RCSD1: variants seen among roughly 807,000 people sequenced by gnomAD.
RCSD1 encodes capZ-interacting protein.
In RCSD1, 26 loss-of-function variants were observed where a neutral mutation model predicts 42.5. That is an observed-to-expected ratio of 0.61 (90% CI 0.45 to 0.85). RCSD1 has a LOEUF of 0.85. Ranked by LOEUF, RCSD1 falls within the 40% of genes least tolerant of loss-of-function variation. RCSD1 has a pLI of 0.00. For missense variants in RCSD1, 571 were observed against 528.3 expected, an observed-to-expected ratio of 1.08 and a Z score of -0.79; for synonymous variants, 220 against 212.2, an observed-to-expected ratio of 1.04 and a Z score of -0.32.
intron 1 of RCSD1, among the ~76,000 whole-genome samples, chr1:167,675,404 T>A (rs1367968497): frequency 6.6e-6 from 1 of 152,044 alleles, no homozygotes; most frequent in East Asian, 1.9e-4. Flanking sequence ...TATAAAACCA[T>A]CAGATTTCAT....
intron 1 of RCSD1, among the ~76,000 whole-genome samples, chr1:167,650,313 G>C (rs768527498): frequency 6.6e-6 from 1 of 152,204 alleles, no homozygotes; most frequent in African/African-American, 2.4e-5. Context: ...GTGTGTTGGG[G>C]TGGGGGCAGG....
chr1:167,658,121 A>G (rs1005648866), intron 1 of RCSD1, among the ~76,000 whole-genome samples: 1 of 152,060 alleles, frequency 6.6e-6, no homozygotes, highest in African/African-American at 2.4e-5. Context: ...CTGAGATGGT[A>G]TGAGACACAC....
chr1:167,656,522 G>A (rs1658429428), intron 1 of RCSD1, among the ~76,000 whole-genome samples: 1 of 152,032 alleles, frequency 6.6e-6, no homozygotes, highest in Non-Finnish European at 1.5e-5. Flanking sequence ...CATTTTATCT[G>A]AATTTTAATC....
At chr1:167,641,261 G>A (rs932738176) in intron 1 of RCSD1, 1 of 152,152 alleles carries the variant, frequency 6.6e-6, no homozygotes, top group African/African-American at 2.4e-5. Context: ...GGTGTAAGCA[G>A]GCTGGGAAGA....
intron 5 of RCSD1, 118 bp from the exon 6 acceptor site, chr1:167,696,981 C>T (rs12066500): frequency 0.058 from 49,755 of 851,674 alleles, 1,653 homozygotes; most frequent in Middle Eastern, 0.12. Flanking sequence ...GAAAATTAAA[C>T]GGTCCTTGCG....
chr1:167,704,421 C>T (rs1443169685), intron 6 of RCSD1, among the ~76,000 whole-genome samples: 9 of 152,186 alleles, frequency 5.9e-5, no homozygotes, highest in Non-Finnish European at 5.9e-5. Flanking sequence ...CTCTCTGTGC[C>T]TTCATTGCCT....
At chr1:167,659,190 A>T (rs1340395241) in intron 1 of RCSD1, among the ~76,000 whole-genome samples, 1 of 152,050 alleles carries the variant, frequency 6.6e-6, no homozygotes, top group Non-Finnish European at 1.5e-5. Context: ...TTTTATGTTG[A>T]TTGGCGTTTT....
At chr1:167,680,334 G>A (rs1262576020) in intron 1 of RCSD1, among the ~76,000 whole-genome samples, 4 of 152,036 alleles carry the variant, frequency 2.6e-5, no homozygotes, top group African/African-American at 9.7e-5. Context: ...GGTCCATGGG[G>A]GTGAGTTGAG....
intron 1 of RCSD1, among the ~76,000 whole-genome samples, chr1:167,672,568 T>C (rs1056158324): frequency 2.6e-5 from 4 of 152,182 alleles, no homozygotes; most frequent in Non-Finnish European, 5.9e-5. Context: ...ACAGCAATGG[T>C]GGGTAGAGTC....
intron 1 of RCSD1, among the ~76,000 whole-genome samples, chr1:167,668,076 A>G (rs1387019822): frequency 6.6e-6 from 1 of 152,116 alleles, no homozygotes; most frequent in East Asian, 1.9e-4. Context: ...GGATCACCTG[A>G]GGTCAGGAGT....
intron 1 of RCSD1, among the ~76,000 whole-genome samples, chr1:167,638,715 G>A (rs909804023): frequency 6.6e-6 from 1 of 152,246 alleles, no homozygotes; most frequent in Non-Finnish European, 1.5e-5. Context: ...AAAGGCCCCA[G>A]TTGTGTCTCT....
intron 1 of RCSD1, chr1:167,663,409 G>A (rs368427665): frequency 0.033 from 2,296 of 70,634 alleles, 61 homozygotes; most frequent in African/African-American, 0.088. Context: ...CCTGGGTAAC[G>A]GCAAGACCCT....
intron 1 of RCSD1, among the ~76,000 whole-genome samples, chr1:167,671,945 C>G (rs530869844): frequency 1.5e-3 from 233 of 152,336 alleles, no homozygotes; most frequent in Non-Finnish European, 2.5e-3. Flanking sequence ...GCTTACCCTT[C>G]AGGCTTGGCC....
At chr1:167,632,244 G>A (rs1233910401) in intron 1 of RCSD1, among the ~76,000 whole-genome samples, 1 of 152,250 alleles carries the variant, frequency 6.6e-6, no homozygotes, top group Non-Finnish European at 1.5e-5. Context: ...TCTTCTGGAA[G>A]TGTACAAACT....
chr1:167,634,831 T>C lies in RCSD1; in HGVS notation c.6+4402T>C, dbSNP rs144599070. ...TTGTCATTCATGGACCTACTCAGTA[T>C]TTATTGGGCCCTTATTACATACCAG... On this transcript the variant is annotated intron_variant, in intron 1 of 6. Coordinates refer to ENST00000367854, the MANE Select transcript of RCSD1 (RefSeq NM_052862.4). 3.2e-4 allele frequency among the ~76,000 whole-genome samples: 48 copies of C among 152,302 alleles called. No individual in the cohort carries two copies. In the East Asian group the frequency reaches 9.1e-3, roughly 29 times the overall value.
rs1238879878 is a variant in RCSD1, at chr1:167,701,266, T to TTCTC, written c.1219-3395_1219-3394insCTCT. Among the ~76,000 whole-genome samples, 18 of 132,004 alleles carry TTCTC rather than the reference T, an allele frequency of 1.4e-4. 1 individual carries two copies. The highest frequency in any genetic ancestry group is 2.4e-4 in the Non-Finnish European group (15 of 63,136). 86.6% of individuals were successfully genotyped at this position (132,004 alleles called of 152,430 possible). A position where few individuals can be genotyped will look rare whatever the true frequency, so the allele number is the denominator to read the frequency against. ...CCAATTGCCTAGTTTCTTTCTTTCT[T>TTCTC]TCTTTCTTTCTTTCTTTCTTTCTTT... On this transcript the variant is annotated intron_variant, in intron 6 of 6. Coordinates refer to ENST00000367854, the MANE Select transcript of RCSD1 (RefSeq NM_052862.4).
chr1:167,681,262 G>A, intron 1 of RCSD1, among the ~76,000 whole-genome samples: 1 of 152,242 alleles, frequency 6.6e-6, no homozygotes. Context: ...AGATTACCTT[G>A]TTTGGCCTGT....
At chr1:167,683,289 C>T (rs937562204) in intron 1 of RCSD1, among the ~76,000 whole-genome samples, 2 of 152,206 alleles carry the variant, frequency 1.3e-5, no homozygotes, top group African/African-American at 4.8e-5. Context: ...GTGCTACAGC[C>T]ATCCTTGTCA....
At chr1:167,688,481 G>A (rs561619138) in intron 3 of RCSD1, among the ~76,000 whole-genome samples, 3 of 152,110 alleles carry the variant, frequency 2.0e-5, no homozygotes, top group South Asian at 2.1e-4. Context: ...GAACATACCC[G>A]ACAGTGAAGA....
Sources: gnomAD v4.1 joint callset for allele counts (sites outside exome capture counted in the v4.1 genomes callset) on GRCh38, gnomAD v4.1.1 for gene constraint, MANE v1.5 for transcripts, NCBI Gene and HGNC (gene_info 2026-07-23, HGNC 2026-07-21) for gene names.